RCOR1: variants seen among roughly 807,000 people sequenced by gnomAD.
The protein encoded by RCOR1 is REST corepressor.
A neutral mutation model predicts 64.0 loss-of-function variants in RCOR1; 12 were observed. That is an observed-to-expected ratio of 0.19 (90% CI 0.12 to 0.30). The LOEUF is 0.30. Ranked by LOEUF, RCOR1 falls within the 10% of genes least tolerant of loss-of-function variation. The pLI, the probability that RCOR1 is intolerant of heterozygous loss-of-function variation, is 1.00. For missense variants in RCOR1, 502 were observed against 621.2 expected, an observed-to-expected ratio of 0.81 and a Z score of 2.04; for synonymous variants, 279 against 227.2, an observed-to-expected ratio of 1.23 and a Z score of -2.05.
chr14:102,651,121 A>G, intron 2 of RCOR1: 3 of 980,344 alleles, frequency 3.1e-6, no homozygotes, highest in Non-Finnish European at 3.6e-6. Context: ...TGGTGCTGAG[A>G]CCAGCTCGGT....
rs1209583752 is a variant in RCOR1, at chr14:102,726,532, T to G, written c.*26T>G. ...GAAACTGGTGGCTTTGAACACTTGG[T>G]GTGGACTACTGTGTTATCCGGGATA... On this transcript the variant is annotated 3_prime_UTR_variant, in exon 12 of 12. Coordinates refer to ENST00000262241, the MANE Select transcript of RCOR1 (RefSeq NM_015156.4). 1 of 1,579,972 alleles carries G rather than the reference T, an allele frequency of 6.3e-7. No homozygotes were observed. The highest frequency in any genetic ancestry group is 2.2e-5 in the East Asian group (1 of 44,688).
chr14:102,630,154 A>G (rs1437694139), intron 2 of RCOR1: 1 of 194,662 alleles, frequency 5.1e-6, no homozygotes, highest in Non-Finnish European at 9.4e-6. Flanking sequence ...CCTCATAAAT[A>G]GATTAATGCC....
intron 7 of RCOR1, among the ~76,000 whole-genome samples, chr14:102,713,957 C>T (rs1896011732): frequency 6.6e-6 from 1 of 152,058 alleles, no homozygotes; most frequent in Non-Finnish European, 1.5e-5. Flanking sequence ...AAATTAATAG[C>T]CGTCATGCAT....
At chr14:102,624,023 C>G (rs1567411950) in intron 2 of RCOR1, among the ~76,000 whole-genome samples, 1 of 151,492 alleles carries the variant, frequency 6.6e-6, no homozygotes, top group South Asian at 2.1e-4. Flanking sequence ...GAAACCCCAT[C>G]TCTACTAAAA....
At chr14:102,634,735 C>T (rs562208893) in intron 2 of RCOR1, among the ~76,000 whole-genome samples, 41 of 151,446 alleles carry the variant, frequency 2.7e-4, no homozygotes, top group African/African-American at 1.0e-3. Flanking sequence ...CTTGCTCTAT[C>T]GCTCAGGCTG....
intron 2 of RCOR1, chr14:102,657,720 C>T (rs1693930035): frequency 2.5e-6 from 1 of 395,912 alleles, no homozygotes; most frequent in East Asian, 1.7e-4. Flanking sequence ...TGCCTGTAAT[C>T]CCAGCTACTG....
At chr14:102,658,112 T>G in intron 2 of RCOR1, 1 of 215,536 alleles carries the variant, frequency 4.6e-6, no homozygotes, top group Non-Finnish European at 7.9e-6. Context: ...GTAATTGGGA[T>G]TACAGATGCC....
At chr14:102,635,743 T>C (rs1319985607) in intron 2 of RCOR1, among the ~76,000 whole-genome samples, 2 of 152,174 alleles carry the variant, frequency 1.3e-5, no homozygotes, top group East Asian at 3.8e-4. Flanking sequence ...GGTTTAACTT[T>C]TTGGTCGAGT....
intron 2 of RCOR1, among the ~76,000 whole-genome samples, chr14:102,615,250 A>G (rs1293449714): frequency 6.8e-6 from 1 of 147,988 alleles, no homozygotes; most frequent in Non-Finnish European, 1.5e-5. Context: ...CTTCTGCTTC[A>G]GCCTCCCAAG....
At chr14:102,620,592 T>C (rs1893854583) in intron 2 of RCOR1, among the ~76,000 whole-genome samples, 1 of 152,090 alleles carries the variant, frequency 6.6e-6, no homozygotes, top group Non-Finnish European at 1.5e-5. Flanking sequence ...CACAATGGTA[T>C]GCATCTGTGG....
chr14:102,654,255 G>A (rs539656019), intron 2 of RCOR1, among the ~76,000 whole-genome samples: 2 of 151,856 alleles, frequency 1.3e-5, no homozygotes, highest in East Asian at 3.8e-4. Flanking sequence ...CCAAAGTGTC[G>A]GGATTACAGG....
rs1896182957 is a variant in RCOR1 at position 102,722,381 on chromosome 14, G to C, written c.1384G>C (p.Asp462His). Residue 462 changes from aspartate to histidine, a missense_variant, in exon 11 of 12, where the codon GAT (aspartate) becomes CAT (histidine). Asp to His is a moderately conservative substitution (Grantham distance 81). Transcript: ENST00000262241. ...TAACCAGAAGCCTGTGAAGTCCCCA[G>C]ATAATTCCATTAAGATGCCCGAAGA... Reference protein sequence around the residue: ...PSNQKPVKSPDNSIKMPEEED... With the variant: ...PSNQKPVKSPHNSIKMPEEED... The C allele has an allele frequency of 6.2e-7, 1 of 1,613,848 alleles. No homozygotes were observed. Among genetic ancestry groups the C allele is most frequent in the Non-Finnish European group, 8.5e-7 (1 of 1,179,942 alleles).
chr14:102,624,072 T>C (rs1388792137), intron 2 of RCOR1, among the ~76,000 whole-genome samples: 1 of 152,042 alleles, frequency 6.6e-6, no homozygotes, highest in Admixed American at 6.6e-5. Flanking sequence ...GGCGGGCACC[T>C]GTAGTCCCAG....
intron 2 of RCOR1, among the ~76,000 whole-genome samples, chr14:102,671,968 T>A (rs2139949273): frequency 6.6e-6 from 1 of 152,228 alleles, no homozygotes; most frequent in East Asian, 1.9e-4. Context: ...TGCTTTCACT[T>A]AGCATAGTGT....
At chr14:102,653,275 G>C (rs1432887461) in intron 2 of RCOR1, among the ~76,000 whole-genome samples, 1 of 152,082 alleles carries the variant, frequency 6.6e-6, no homozygotes, top group Non-Finnish European at 1.5e-5. Context: ...CTGGAGTGTA[G>C]TGGTGCAATC....
At chr14:102,692,750 T>TTCCTTCCTTCC (rs1895561384) in intron 3 of RCOR1, among the ~76,000 whole-genome samples, 1 of 146,092 alleles carries the variant, frequency 6.8e-6, no homozygotes, top group Non-Finnish European at 1.5e-5. Flanking sequence ...CCTTCCTTCC[T>TTCCTTCCTTCC]TCCTTCTTTT....
At chr14:102,698,772 C>G (rs1389738623) in intron 3 of RCOR1, among the ~76,000 whole-genome samples, 1 of 152,194 alleles carries the variant, frequency 6.6e-6, no homozygotes, top group Non-Finnish European at 1.5e-5. Context: ...ACCTGTGTCT[C>G]TCTGCAGGGT....
At position 102,707,495 on chromosome 14, in the gene RCOR1, C is replaced by A; in HGVS notation, c.643C>A (p.His215Asn). Residue 215 changes from histidine (H) to asparagine (N), a missense_variant, in exon 5 of 12, where the codon CAT becomes AAT. Physicochemically the swap from His to Asn is moderately conservative, Grantham distance 68. Coordinates refer to ENST00000262241, the MANE Select transcript of RCOR1 (RefSeq NM_015156.4). Reference protein sequence around the residue: ...QAFSFHGKTFHRIQQMLPDKS... With the variant: ...QAFSFHGKTFNRIQQMLPDKS... ...CTTTAGTTTTCATGGGAAAACTTTTCATAGAATCCAACAAATGGTAAGTAG... is the reference window on the plus strand; with the variant it reads ...CTTTAGTTTTCATGGGAAAACTTTTAATAGAATCCAACAAATGGTAAGTAG... 1 of 1,604,926 alleles carries A rather than the reference C, an allele frequency of 6.2e-7. No homozygotes were observed. Among genetic ancestry groups the A allele is most frequent in the Non-Finnish European group, 8.5e-7 (1 of 1,177,420 alleles).
chr14:102,681,214 A>G (rs1895295261), intron 2 of RCOR1, among the ~76,000 whole-genome samples: 1 of 152,178 alleles, frequency 6.6e-6, no homozygotes. Flanking sequence ...TATTTAAAGG[A>G]AAAAAAGTGG....
Sources: allele counts gnomAD v4.1 joint callset (sites outside exome capture counted in the v4.1 genomes callset), GRCh38; gene constraint gnomAD v4.1.1; transcripts MANE v1.5; gene names NCBI Gene and HGNC (gene_info 2026-07-23, HGNC 2026-07-21).